Variants in NFIX observed in about 807,000 individuals in gnomAD.
The protein encoded by NFIX is nuclear factor I X.
Under a neutral mutation model 53.3 loss-of-function variants are expected in NFIX, and 2 were observed. That is an observed-to-expected ratio of 0.04 (90% CI 0.02 to 0.12). The LOEUF is 0.12. NFIX is among the 10% of genes least tolerant of loss of function. The pLI is 1.00. For missense variants in NFIX, 310 were observed against 674.5 expected (o/e 0.46, Z 5.99); for synonymous variants, 244 against 289.0 (o/e 0.84, Z 1.58).
In NFIX at chr19:13,028,403, T is replaced by C. The variant is rs1208300496; in HGVS notation, c.559+2851T>C. ...CTGGGTTTCATGACAGTAACGGTGA[T>C]GTGGTGGTAAATGTGGGGGTGTGGC... On this transcript the variant is annotated intron_variant, in intron 2 of 10. Transcript: ENST00000592199. The surrounding 1 kb of genome is among the most constrained non-coding windows in gnomAD (Gnocchi z 4.2). Among the ~76,000 whole-genome samples, 1 of 152,050 alleles carries C rather than the reference T, an allele frequency of 6.6e-6. No individual in the cohort carries two copies. The highest frequency in any genetic ancestry group is 2.4e-5 in the African/African-American group (1 of 41,396).
chr19:12,998,956 T>C lies in NFIX; in HGVS notation c.27+3092T>C, dbSNP rs930265119. ...AACACTCACAAACCCCTCGAGATGATACAGATAGCGACGAAGGCACATGGA... is the reference window on the plus strand; with the variant it reads ...AACACTCACAAACCCCTCGAGATGACACAGATAGCGACGAAGGCACATGGA... On this transcript the variant is annotated intron_variant, in intron 1 of 10. Coordinates refer to ENST00000592199, the MANE Select transcript of NFIX (RefSeq NM_001365902.3). The surrounding 1 kb of genome is among the most constrained non-coding windows in gnomAD (Gnocchi z 4.4). Among the ~76,000 whole-genome samples, 2 of 151,974 alleles carry C rather than the reference T, an allele frequency of 1.3e-5. No individual in the cohort carries two copies. The highest frequency in any genetic ancestry group is 4.8e-5 in the African/African-American group (2 of 41,360).
At position 13,095,817 on chromosome 19, in the gene NFIX, C is replaced by G. The variant is rs1182273833; in HGVS notation, c.*1168C>G. 6.6e-6 allele frequency: 1 copy of G among 151,782 alleles called. No individual in the cohort carries two copies. Among genetic ancestry groups the G allele is most frequent in the Non-Finnish European group, 1.5e-5 (1 of 67,924 alleles). 9.4% of individuals were successfully genotyped at this position (151,782 alleles called of 1,614,324 possible). On this transcript the variant is annotated 3_prime_UTR_variant, in exon 11 of 11. Coordinates refer to ENST00000592199, the MANE Select transcript of NFIX (RefSeq NM_001365902.3). Reference sequence around the variant, plus strand: ...AAGTGTTTTGGAGCTTTCTGTGCCCCCCGACTTTCCCCCGCCTCCCCGCCC... The same window carrying G: ...AAGTGTTTTGGAGCTTTCTGTGCCCGCCGACTTTCCCCCGCCTCCCCGCCC...
At chr19:13,046,779 A>G (rs542761024) in intron 2 of NFIX, among the ~76,000 whole-genome samples, 1 of 152,222 alleles carries the variant, frequency 6.6e-6, no homozygotes, top group South Asian at 2.1e-4. Flanking sequence ...GAGCAGAGAG[A>G]AAGGGAAGGG....
In NFIX at chr19:13,025,463, C is replaced by T. The variant is rs1229293413; in HGVS notation, c.470C>T (p.Ser157Leu). ...CGGCTCTACAAGTCGCCTCAGTGCT[C>T]GAACCCCGGCCTGTGCGTCCAGCCA... ...GERLYKSPQC[S>L]NPGLCVQPHH... Residue 157 changes from serine (S) to leucine (L), a missense_variant, in exon 2 of 11, where the codon TCG (serine) becomes TTG (leucine). Ser to Leu is a moderately radical substitution (Grantham distance 145). Transcript: ENST00000592199. The surrounding 1 kb of genome is among the most constrained non-coding windows in gnomAD (Gnocchi z 7.5). The T allele has an allele frequency of 1.2e-6, 2 of 1,613,924 alleles. No individual in the cohort carries two copies. Among genetic ancestry groups the T allele is most frequent in the Non-Finnish European group, 1.7e-6 (2 of 1,179,908 alleles).
intron 2 of NFIX, among the ~76,000 whole-genome samples, chr19:13,034,830 G>A (rs898962732): frequency 2.6e-5 from 4 of 151,016 alleles, no homozygotes; most frequent in South Asian, 2.1e-4. Flanking sequence ...CTGGCTCACC[G>A]CTCTAGATTT....
Position 13,006,213 on chromosome 19 carries a change from G to A in NFIX, c.27+10349G>A, listed in dbSNP as rs183908236. On this transcript the variant is annotated intron_variant, in intron 1 of 10. Coordinates refer to ENST00000592199, the MANE Select transcript of NFIX (RefSeq NM_001365902.3). The surrounding 1 kb of genome is among the most constrained non-coding windows in gnomAD (Gnocchi z 5.6). Reference sequence around the variant, plus strand: ...CTGGGCAGCTGTGGTTTTAGCAGAGGTGGGCACGGAGACCTCATGGTGAGA... The same window carrying A: ...CTGGGCAGCTGTGGTTTTAGCAGAGATGGGCACGGAGACCTCATGGTGAGA... 9.2e-5 allele frequency among the ~76,000 whole-genome samples: 14 copies of A among 152,270 alleles called. No homozygotes were observed. In the East Asian group the frequency reaches 2.7e-3, roughly 29 times the overall value.
rs1331199441 is a variant in NFIX at position 13,093,720 on chromosome 19, A to G, written c.1495-915A>G. On this transcript the variant is annotated intron_variant, in intron 10 of 10. Coordinates refer to ENST00000592199, the MANE Select transcript of NFIX (RefSeq NM_001365902.3). This position sits in a 1 kb window ranked among gnomAD's most constrained non-coding sequence, Gnocchi z 4.7. ...ACCAGAGTCTGTGACAGCCTGGGAG[A>G]GGTCCCAAGATGCATTTTCAGGGAC... Among the ~76,000 whole-genome samples the G allele has an allele frequency of 3.9e-5, 6 of 152,262 alleles. No homozygotes were observed. Among genetic ancestry groups the G allele is most frequent in the Admixed American group, 3.9e-4 (6 of 15,308 alleles).
In NFIX at chr19:13,009,981, C is replaced by T. The variant is rs1464740048; in HGVS notation, c.27+14117C>T. Among the ~76,000 whole-genome samples the T allele has an allele frequency of 6.6e-6, 1 of 152,060 alleles. No homozygotes were observed. The highest frequency in any genetic ancestry group is 1.9e-4 in the East Asian group (1 of 5,178). ...CAGGTGGAGTGGCCCACCTTGGGCC[C>T]GGGGGGGCCTCCAGGAGCCCCCTGG... is the stretch of plus-strand genomic sequence containing the variant. On this transcript the variant is annotated intron_variant, in intron 1 of 10. Coordinates refer to ENST00000592199, the MANE Select transcript of NFIX (RefSeq NM_001365902.3). The surrounding 1 kb of genome is among the most constrained non-coding windows in gnomAD (Gnocchi z 4.7).
chr19:13,021,105 A>T lies in NFIX; in HGVS notation c.28-3916A>T, dbSNP rs536468653. 1.3e-5 allele frequency among the ~76,000 whole-genome samples: 2 copies of T among 152,192 alleles called. No individual in the cohort carries two copies. The highest frequency in any genetic ancestry group is 3.8e-4 in the East Asian group (2 of 5,196). ...CTCACTTGTAGTTTTTAATGACCTC[A>T]TCTTGACTTTAGAAGGTAAAATTGT... On this transcript the variant is annotated intron_variant, in intron 1 of 10. Transcript: ENST00000592199. The surrounding 1 kb of genome is among the most constrained non-coding windows in gnomAD (Gnocchi z 4.2).
rs1002374034 is a variant in NFIX at position 13,045,113 on chromosome 19, G to A, written c.559+19561G>A. On this transcript the variant is annotated intron_variant, in intron 2 of 10. Transcript: ENST00000592199. The surrounding 1 kb of genome is among the most constrained non-coding windows in gnomAD (Gnocchi z 4.4). ...TGACCACATGGGCTCCATGCTGAAG[G>A]CTGCTTTACTTCTGGACAGGCCTTC... 5.9e-5 allele frequency among the ~76,000 whole-genome samples: 9 copies of A among 152,220 alleles called. No individual in the cohort carries two copies. The highest frequency in any genetic ancestry group is 2.2e-4 in the African/African-American group (9 of 41,440).
At chr19:13,076,718 A>C (rs926299947) in intron 6 of NFIX, among the ~76,000 whole-genome samples, 1 of 152,190 alleles carries the variant, frequency 6.6e-6, no homozygotes, top group African/African-American at 2.4e-5. Flanking sequence ...ATATGCCCCT[A>C]CTGGGAAGGG....
At chr19:13,017,522 C>T (rs1446060366) in intron 1 of NFIX, among the ~76,000 whole-genome samples, 1 of 152,066 alleles carries the variant, frequency 6.6e-6, no homozygotes, top group African/African-American at 2.4e-5. Flanking sequence ...CTCCTTGTCT[C>T]TCCTGTGGCG....
chr19:13,020,733 C>T (rs1380566764), intron 1 of NFIX, among the ~76,000 whole-genome samples: 1 of 152,164 alleles, frequency 6.6e-6, no homozygotes, highest in Non-Finnish European at 1.5e-5. Flanking sequence ...TCTTCTGCCG[C>T]CTCTCCTCTG....
intron 1 of NFIX, among the ~76,000 whole-genome samples, chr19:13,000,526 A>G (rs1347835716): frequency 2.0e-5 from 3 of 149,890 alleles, no homozygotes; most frequent in African/African-American, 4.9e-5. Context: ...GGGTGGCACA[A>G]CTTCAAGATA....
rs796908573 is a variant in NFIX at position 13,025,167 on chromosome 19, C to G, written c.174C>G (p.Asp58Glu). 2.5e-6 allele frequency: 4 copies of G among 1,614,218 alleles called. No homozygotes were observed. The highest frequency in any genetic ancestry group is 1.6e-4 in the Middle Eastern group (1 of 6,062). ...AGGACGAGGAGCGGGCGGTGAAGGA[C>G]GAGCTGCTGGGCGAGAAGCCCGAGA... ...MSKDEERAVK[D>E]ELLGEKPEIK... Residue 58 changes from aspartate (D) to glutamate (E), a missense_variant, in exon 2 of 11, where the codon GAC (aspartate) becomes GAG (glutamate). Asp to Glu is a conservative substitution (Grantham distance 45). This residue lies in a region of NFIX where 64 missense variants were observed against 144.5 expected (regional missense o/e 0.44). Coordinates refer to ENST00000592199, the MANE Select transcript of NFIX (RefSeq NM_001365902.3). The surrounding 1 kb of genome is among the most constrained non-coding windows in gnomAD (Gnocchi z 7.5).
Position 13,087,925 on chromosome 19 carries a change from G to A in NFIX, c.1255-64G>A, listed in dbSNP as rs974256096. 64 of 1,528,406 alleles carry A rather than the reference G, an allele frequency of 4.2e-5. 2 individuals are homozygous for A. The highest frequency in any genetic ancestry group is 2.4e-4 in the South Asian group (20 of 83,686). The allele number at this position is 1,528,406 out of a possible 1,614,324, so 94.7% of individuals were successfully genotyped here. A position where few individuals can be genotyped will look rare whatever the true frequency, so the allele number is the denominator to read the frequency against. On this transcript the variant is annotated intron_variant, in intron 8 of 10. Coordinates refer to ENST00000592199, the MANE Select transcript of NFIX (RefSeq NM_001365902.3). ...CTCAGGAGCGAGCTGGCGCGGCCGCGCAGGGGAGCGTGTGTCTGTGTGTGA... is the reference window on the plus strand; with the variant it reads ...CTCAGGAGCGAGCTGGCGCGGCCGCACAGGGGAGCGTGTGTCTGTGTGTGA...
chr19:13,017,636 C>G (rs2012738240), intron 1 of NFIX, among the ~76,000 whole-genome samples: 1 of 152,204 alleles, frequency 6.6e-6, no homozygotes, highest in African/African-American at 2.4e-5. Flanking sequence ...GTTTTGTCAC[C>G]TTGCCCTGAC....
intron 8 of NFIX, chr19:13,082,322 A>T (rs1387245717): frequency 6.5e-6 from 1 of 155,000 alleles, no homozygotes; most frequent in East Asian, 1.9e-4. Context: ...TAGGATGTTG[A>T]GCAATATCCC....
At chr19:13,000,894 G>A (rs1250994063) in intron 1 of NFIX, among the ~76,000 whole-genome samples, 1 of 152,158 alleles carries the variant, frequency 6.6e-6, no homozygotes, top group Middle Eastern at 3.2e-3. Context: ...TGGGCAAAAT[G>A]CCCCCGTGGT....
Sources: allele counts gnomAD v4.1 joint callset (sites outside exome capture counted in the v4.1 genomes callset), GRCh38; gene constraint gnomAD v4.1.1; regional missense constraint gnomAD v4.1.1; non-coding constraint Gnocchi (gnomAD v3.1); transcripts MANE v1.5; gene names NCBI Gene and HGNC (gene_info 2026-07-23, HGNC 2026-07-21).